Variants in EGFLAM observed in about 807,000 individuals in gnomAD.
EGFLAM encodes pikachurin.
A neutral mutation model predicts 113.1 loss-of-function variants in EGFLAM; 79 were observed. The ratio of observed to expected loss-of-function variants is 0.70; its 90% CI spans 0.58 to 0.84. The LOEUF (loss-of-function observed/expected upper bound fraction) is 0.84. EGFLAM is among the 40% of genes least tolerant of loss of function. The pLI, the probability that EGFLAM is intolerant of heterozygous loss-of-function variation, is 0.00. For synonymous variants in EGFLAM, 504 were observed against 487.6 expected (o/e 1.03, Z -0.44); for missense variants, 1,265 against 1,291.6 (o/e 0.98, Z 0.32).
At position 38,412,543 on chromosome 5, in the gene EGFLAM, G is replaced by A; in HGVS notation, c.1389G>A (p.Glu463=). 6.2e-7 allele frequency: 1 copy of A among 1,614,150 alleles called. No individual in the cohort carries two copies. Among genetic ancestry groups the A allele is most frequent in the Non-Finnish European group, 8.5e-7 (1 of 1,180,042 alleles). The change falls in exon 11 of 22, where the codon GAG becomes GAA. Residue 463 remains glutamate (E), a synonymous_variant. Coordinates refer to ENST00000322350, the MANE Select transcript of EGFLAM (RefSeq NM_152403.4). The part of the protein sequence containing the change: ...CGTGVAIIVS[E]TKIKLGGWHT... Reference sequence around the variant, plus strand: ...CTGGGGTTGCCATCATCGTAAGTGAGACCAAAATCAAACTAGGGGGTTGGC... The same window carrying A: ...CTGGGGTTGCCATCATCGTAAGTGAAACCAAAATCAAACTAGGGGGTTGGC...
intron 3 of EGFLAM, among the ~76,000 whole-genome samples, chr5:38,340,721 G>T (rs543123113): frequency 2.6e-5 from 4 of 152,228 alleles, no homozygotes; most frequent in Admixed American, 2.0e-4. Flanking sequence ...TGCAAAGGCA[G>T]ACTCAAGGGA....
At chr5:38,318,172 A>G (rs1414894840) in intron 1 of EGFLAM, among the ~76,000 whole-genome samples, 1 of 151,146 alleles carries the variant, frequency 6.6e-6, no homozygotes, top group Non-Finnish European at 1.5e-5. Context: ...AAGAAAGAGG[A>G]CCCTCATTTT....
At chr5:38,297,382 TGGGCCAAATAAA>T (rs1758473193) in intron 1 of EGFLAM, among the ~76,000 whole-genome samples, 1 of 152,228 alleles carries the variant, frequency 6.6e-6, no homozygotes, top group South Asian at 2.1e-4. Context: ...GAGTCATCTT[TGGGCCAAATAAA>T]GGCCATTGTT....
At chr5:38,392,310 A>G (rs1740834320) in intron 6 of EGFLAM, among the ~76,000 whole-genome samples, 1 of 152,210 alleles carries the variant, frequency 6.6e-6, no homozygotes, top group Admixed American at 6.5e-5. Context: ...AGGACTGCAT[A>G]GTATTCCATG....
chr5:38,295,885 A>G (rs956779736), intron 1 of EGFLAM, among the ~76,000 whole-genome samples: 2 of 152,344 alleles, frequency 1.3e-5, no homozygotes, highest in African/African-American at 4.8e-5. Context: ...ACAATTTGCA[A>G]TTCTGAAATG....
chr5:38,339,748 C>T (rs1489038358), intron 3 of EGFLAM, among the ~76,000 whole-genome samples: 11 of 152,180 alleles, frequency 7.2e-5, no homozygotes, highest in Non-Finnish European at 1.6e-4. Context: ...GACCTCTGAG[C>T]CCCTGCCCTT....
chr5:38,329,322 T>C (rs1263061075), intron 1 of EGFLAM, among the ~76,000 whole-genome samples: 1 of 151,106 alleles, frequency 6.6e-6, no homozygotes. Flanking sequence ...AATAAATAAA[T>C]AAATAAATAA....
At chr5:38,417,976 T>A (rs1579902594) in intron 11 of EGFLAM, 90 bp from the exon 12 acceptor site, 2 of 1,318,780 alleles carry the variant, frequency 1.5e-6, no homozygotes, top group East Asian at 4.7e-5. Flanking sequence ...GTCACTGACG[T>A]CTTAACCATG....
chr5:38,321,087 G>T (rs1738726738), intron 1 of EGFLAM, among the ~76,000 whole-genome samples: 2 of 152,108 alleles, frequency 1.3e-5, no homozygotes, highest in African/African-American at 4.8e-5. Flanking sequence ...ATATAATGAA[G>T]TAATTATTTC....
intron 1 of EGFLAM, among the ~76,000 whole-genome samples, chr5:38,336,179 T>C (rs769961356): frequency 4.6e-5 from 7 of 152,234 alleles, no homozygotes; most frequent in African/African-American, 9.6e-5. Context: ...ATTGTAAATA[T>C]GCTATTTGTA....
At chr5:38,430,137 TC>T in intron 14 of EGFLAM, 1 of 217,958 alleles carries the variant, frequency 4.6e-6, no homozygotes. Flanking sequence ...ACCACCAGTT[TC>T]CCAGGTTTCA....
chr5:38,296,982 CG>C (rs1758465601), intron 1 of EGFLAM, among the ~76,000 whole-genome samples: 1 of 151,864 alleles, frequency 6.6e-6, no homozygotes, highest in African/African-American at 2.4e-5. Flanking sequence ...ACAAAACAAC[CG>C]ACCAGTACTC....
chr5:38,373,248 T>C (rs1389056770), intron 6 of EGFLAM, among the ~76,000 whole-genome samples: 2 of 152,202 alleles, frequency 1.3e-5, no homozygotes, highest in East Asian at 3.9e-4. Flanking sequence ...AGGTAATGTA[T>C]TTTTGGCAAG....
At position 38,458,400 on chromosome 5, in the gene EGFLAM, T is replaced by C; in HGVS notation, c.2771+6T>C. 1 of 1,613,364 alleles carries C rather than the reference T, an allele frequency of 6.2e-7. No homozygotes were observed. Among genetic ancestry groups the C allele is most frequent in the Non-Finnish European group, 8.5e-7 (1 of 1,179,672 alleles). On this transcript the variant is annotated splice_donor_region_variant and intron_variant, in intron 20 of 21. Transcript: ENST00000322350. ...CACCGAGTTAAGGCCGTTAGGTGAG[T>C]CCCTCCCGCAGCATGAGGCAGAGCC...
In EGFLAM at chr5:38,320,575, T is replaced by C. The variant is rs10037339; in HGVS notation, c.98-16945T>C. On this transcript the variant is annotated intron_variant, in intron 1 of 21. Transcript: ENST00000322350. ...CCTTGAGGTGGGAGGATGTGTGTGT[T>C]GTGCGTATGCCTGTGTATATGTGTG... Among the ~76,000 whole-genome samples the C allele has an allele frequency of 9.3e-3, 1,409 of 152,258 alleles. 22 individuals are homozygous for C. Among genetic ancestry groups the C allele is most frequent in the African/African-American group, 0.032 (1,328 of 41,552 alleles).
intron 6 of EGFLAM, among the ~76,000 whole-genome samples, chr5:38,394,603 G>GT: frequency 6.6e-6 from 1 of 151,418 alleles, no homozygotes; most frequent in Non-Finnish European, 1.5e-5. Context: ...TAGAGACGGG[G>GT]TTTCACCGTG....
chr5:38,387,643 G>A (rs1351526824), intron 6 of EGFLAM, among the ~76,000 whole-genome samples: 2 of 152,220 alleles, frequency 1.3e-5, no homozygotes, highest in Admixed American at 6.5e-5. Flanking sequence ...ATGACTTTGC[G>A]ATGCTTCAAT....
At chr5:38,427,515 C>A in intron 14 of EGFLAM, 1 of 463,486 alleles carries the variant, frequency 2.2e-6, no homozygotes, top group Non-Finnish European at 3.7e-6. Flanking sequence ...GGAAAATGGA[C>A]TTGCTTCAGG....
chr5:38,372,405 C>A (rs1484315483), intron 6 of EGFLAM, among the ~76,000 whole-genome samples: 6 of 152,152 alleles, frequency 3.9e-5, no homozygotes, highest in Admixed American at 3.3e-4. Context: ...GTGATCCACC[C>A]TCCTTGGCCT....
Sources: gnomAD v4.1 joint callset for allele counts (sites outside exome capture counted in the v4.1 genomes callset) on GRCh38, gnomAD v4.1.1 for gene constraint, MANE v1.5 for transcripts, NCBI Gene and HGNC (gene_info 2026-07-23, HGNC 2026-07-21) for gene names.